ZNF521: variants seen among roughly 807,000 people sequenced by gnomAD.
ZNF521 encodes LYST-interacting protein 3.
In ZNF521, 14 loss-of-function variants were observed where a neutral mutation model predicts 105.5. The ratio of observed to expected loss-of-function variants is 0.13; its 90% confidence interval spans 0.09 to 0.21. The LOEUF is 0.21. Among genes scored for constraint, ZNF521 ranks in the 10% least tolerant of loss-of-function variants. The probability of loss-of-function intolerance (pLI) is 1.00; values close to 1 mark genes in which losing one functional copy is unlikely to be tolerated. For synonymous variants in ZNF521, 635 were observed against 606.0 expected (o/e 1.05, Z -0.70); for missense variants, 1,233 against 1,629.7 (o/e 0.76, Z 4.19).
chr18:25,270,948 T>C (rs1421092279), intron 3 of ZNF521, among the ~76,000 whole-genome samples: 2 of 152,138 alleles, frequency 1.3e-5, no homozygotes, highest in Non-Finnish European at 2.9e-5. Flanking sequence ...GAGAAAGAAA[T>C]AAAGCATACT....
chr18:25,228,230 G>A (rs903507397), intron 3 of ZNF521, among the ~76,000 whole-genome samples: 8 of 152,126 alleles, frequency 5.3e-5, no homozygotes, highest in Admixed American at 1.3e-4. Context: ...AATCTGTTAC[G>A]GGGTTCTTAT....
At position 25,302,511 on chromosome 18, in the gene ZNF521, A is replaced by G. The variant is rs12606041; in HGVS notation, c.220+19497T>C. On this transcript the variant is annotated intron_variant, in intron 3 of 7. Transcript: ENST00000361524. ...TGGAAAGTGGAGTTCCCACGGTTAA[A>G]TAAGACAGTGTTGAGGTCAGTTGGG... Among the ~76,000 whole-genome samples the G allele has an allele frequency of 6.6e-5, 10 of 152,342 alleles. No homozygotes were observed. In the East Asian group the frequency reaches 1.9e-3, roughly 29 times the overall value.
intron 4 of ZNF521, chr18:25,201,969 T>C (rs2036001312): frequency 6.6e-6 from 1 of 152,174 alleles, no homozygotes; most frequent in African/African-American, 2.4e-5. Context: ...ACAGTAATTT[T>C]TAATGCTTAC....
chr18:25,297,530 T>C (rs1048555820), intron 3 of ZNF521, among the ~76,000 whole-genome samples: 5 of 152,252 alleles, frequency 3.3e-5, no homozygotes, highest in Admixed American at 6.5e-5. Flanking sequence ...CAAGAAAATA[T>C]AGAAAATGAA....
intron 3 of ZNF521, among the ~76,000 whole-genome samples, chr18:25,229,292 A>G (rs926502796): frequency 5.9e-5 from 9 of 152,160 alleles, no homozygotes; most frequent in African/African-American, 2.2e-4. Flanking sequence ...CTCACTATCA[A>G]TGCCAGATGG....
chr18:25,166,707 A>T (rs1292609299), intron 5 of ZNF521, among the ~76,000 whole-genome samples: 1 of 152,196 alleles, frequency 6.6e-6, no homozygotes, highest in Non-Finnish European at 1.5e-5. Flanking sequence ...TGCCACAAAC[A>T]TCCATGTTTC....
rs67381140 is a variant in ZNF521 at position 25,273,220 on chromosome 18, CAAAAAAAA to C, written c.221-45531_221-45524del. Among the ~76,000 whole-genome samples, 162 of 40,876 alleles carry C rather than the reference CAAAAAAAA, an allele frequency of 4.0e-3. 1 individual carries two copies. Among genetic ancestry groups the C allele is most frequent in the Middle Eastern group, 0.023 (1 of 44 alleles). 26.8% of individuals were successfully genotyped at this position (40,876 alleles called of 152,430 possible). ...CCCAAGAGGAGTGAAACCCTGTCTC[CAAAAAAAA>C]AAAAAAAAAAAAAAAAAAAAAAAGA... On this transcript the variant is annotated intron_variant, in intron 3 of 7. Coordinates refer to ENST00000361524, the MANE Select transcript of ZNF521 (RefSeq NM_015461.3).
In ZNF521 at chr18:25,088,515, G is replaced by A. The variant is rs531310807; in HGVS notation, c.3906+950C>T. On this transcript the variant is annotated intron_variant, in intron 7 of 7. Transcript: ENST00000361524. ...ATTACAGGTGTGAGCCACCGTGCCCGGCCAACAGAATAATTTTCAGTTCGA... is the reference window on the plus strand; with the variant it reads ...ATTACAGGTGTGAGCCACCGTGCCCAGCCAACAGAATAATTTTCAGTTCGA... 1.4e-3 allele frequency among the ~76,000 whole-genome samples: 220 copies of A among 151,892 alleles called. 1 individual carries two copies. Among genetic ancestry groups the A allele is most frequent in the Non-Finnish European group, 1.9e-3 (132 of 67,986 alleles).
intron 3 of ZNF521, among the ~76,000 whole-genome samples, chr18:25,272,999 G>T (rs930771512): frequency 6.6e-6 from 1 of 151,842 alleles, no homozygotes; most frequent in Non-Finnish European, 1.5e-5. Flanking sequence ...GGCAGAAGCA[G>T]GTGGATCACT....
At chr18:25,197,672 C>A (rs1276934393) in intron 4 of ZNF521, among the ~76,000 whole-genome samples, 1 of 151,704 alleles carries the variant, frequency 6.6e-6, no homozygotes, top group Admixed American at 6.6e-5. Context: ...TAATTCTAGA[C>A]CCAAATCTGT....
intron 5 of ZNF521, among the ~76,000 whole-genome samples, chr18:25,188,839 AG>A (rs2035771583): frequency 6.6e-6 from 1 of 152,222 alleles, no homozygotes; most frequent in Admixed American, 6.5e-5. Flanking sequence ...CTTTAGGGGC[AG>A]TGTGTTCTAA....
At chr18:25,143,810 T>G (rs1016675083) in intron 5 of ZNF521, among the ~76,000 whole-genome samples, 1 of 152,206 alleles carries the variant, frequency 6.6e-6, no homozygotes, top group Non-Finnish European at 1.5e-5. Flanking sequence ...AGAAATATTT[T>G]ATGAGGCAAT....
intron 5 of ZNF521, among the ~76,000 whole-genome samples, chr18:25,164,151 T>C (rs1468864822): frequency 5.3e-5 from 8 of 152,140 alleles, no homozygotes; most frequent in Non-Finnish European, 1.0e-4. Flanking sequence ...TCCCCCCCAC[T>C]TCCCTGCCAA....
At chr18:25,118,261 C>T (rs2034367932) in intron 5 of ZNF521, among the ~76,000 whole-genome samples, 2 of 151,966 alleles carry the variant, frequency 1.3e-5, no homozygotes, top group Non-Finnish European at 2.9e-5. Flanking sequence ...GAGAATTTAT[C>T]TTTAGCAGAA....
At chr18:25,339,620 T>G (rs1042764085) in intron 2 of ZNF521, among the ~76,000 whole-genome samples, 5 of 152,214 alleles carry the variant, frequency 3.3e-5, no homozygotes, top group Non-Finnish European at 5.9e-5. Context: ...ACAGTAAATA[T>G]TTGTTAATTA....
chr18:25,257,764 C>T (rs1295423100), intron 3 of ZNF521, among the ~76,000 whole-genome samples: 4 of 152,168 alleles, frequency 2.6e-5, no homozygotes, highest in Admixed American at 2.0e-4. Flanking sequence ...TATATCTCAG[C>T]CTTTCTGACT....
intron 5 of ZNF521, among the ~76,000 whole-genome samples, chr18:25,106,249 G>C (rs2034070442): frequency 1.3e-5 from 2 of 151,990 alleles, no homozygotes; most frequent in African/African-American, 4.8e-5. Context: ...CCCGTTACAA[G>C]GTTGTTTTCT....
chr18:25,220,168 G>GC (rs1905615319), intron 4 of ZNF521, among the ~76,000 whole-genome samples: 1 of 152,218 alleles, frequency 6.6e-6, no homozygotes, highest in African/African-American at 2.4e-5. Flanking sequence ...CAACCAGGAA[G>GC]CCAGGAAGGA....
At chr18:25,211,589 T>A (rs1174099665) in intron 4 of ZNF521, among the ~76,000 whole-genome samples, 1 of 152,222 alleles carries the variant, frequency 6.6e-6, no homozygotes, top group African/African-American at 2.4e-5. Context: ...CAGTTTGCGT[T>A]TTTCCATCAG....
Sources: allele counts gnomAD v4.1 joint callset (sites outside exome capture counted in the v4.1 genomes callset), GRCh38; gene constraint gnomAD v4.1.1; transcripts MANE v1.5; gene names NCBI Gene and HGNC (gene_info 2026-07-23, HGNC 2026-07-21).